The following UBR3 variants were observed in gnomAD, a reference collection of about 807,000 sequenced individuals.
UBR3 encodes E3 ubiquitin-protein ligase UBR3.
Under a neutral mutation model 243.2 loss-of-function variants are expected in UBR3, and 85 were observed. That is an observed-to-expected ratio of 0.35 (90% CI 0.29 to 0.42). The LOEUF is 0.42. Among genes scored for constraint, UBR3 ranks in the 10% least tolerant of loss-of-function variants. UBR3 has a pLI of 1.00. For missense variants in UBR3, 1,686 were observed against 2,300.8 expected (o/e 0.73, Z 5.47); for synonymous variants, 748 against 799.8 (o/e 0.94, Z 1.09).
chr2:170,027,524 G>A (rs915832924), intron 30 of UBR3, among the ~76,000 whole-genome samples: 6 of 151,660 alleles, frequency 4.0e-5, no homozygotes, highest in African/African-American at 1.5e-4. Context: ...TGCAAAACAG[G>A]TTAGTACAAT....
At position 170,055,543 on chromosome 2, in the gene UBR3, G is replaced by A. The variant is rs913192236; in HGVS notation, c.4744G>A (p.Glu1582Lys). ...LAALSVKCSE[E>K]DRSAWKHAGA... ...AGCACTCTCAGTTAAATGCAGCGAA[G>A]AAGATAGGTCAGCCTGGAAACACGC... is the stretch of plus-strand genomic sequence containing the variant. Residue 1582 changes from glutamate (E) to lysine (K), a missense_variant, in exon 33 of 39, where the codon GAA becomes AAA. Coordinates refer to ENST00000272793, the MANE Select transcript of UBR3 (RefSeq NM_172070.4). 1.2e-6 allele frequency: 2 copies of A among 1,613,670 alleles called. No individual in the cohort carries two copies.
At chr2:169,957,269 G>A (rs1355246256) in intron 23 of UBR3, among the ~76,000 whole-genome samples, 4 of 91,018 alleles carry the variant, frequency 4.4e-5, no homozygotes, top group African/African-American at 1.4e-4. Context: ...CTGTATTGGT[G>A]GATTTTTTTT....
intron 23 of UBR3, among the ~76,000 whole-genome samples, chr2:169,954,541 C>A (rs1329285201): frequency 6.6e-6 from 1 of 151,636 alleles, no homozygotes; most frequent in Non-Finnish European, 1.5e-5. Flanking sequence ...CTGCTCCTAG[C>A]CCCCAATAAT....
At chr2:170,022,650 A>G (rs1332621766) in intron 30 of UBR3, among the ~76,000 whole-genome samples, 3 of 152,212 alleles carry the variant, frequency 2.0e-5, no homozygotes, top group Admixed American at 2.0e-4. Flanking sequence ...TAGTTAATGT[A>G]ATGATCAAAT....
At chr2:169,840,641 G>A (rs537301089) in intron 1 of UBR3, among the ~76,000 whole-genome samples, 114 of 152,182 alleles carry the variant, frequency 7.5e-4, no homozygotes, top group Middle Eastern at 3.4e-3. Flanking sequence ...TCCCCCCACC[G>A]CGGACACCAC....
chr2:170,027,650 A>G (rs1255578200), intron 30 of UBR3, among the ~76,000 whole-genome samples: 22 of 151,878 alleles, frequency 1.4e-4, no homozygotes, highest in Non-Finnish European at 3.2e-4. Flanking sequence ...AAAAGAATGC[A>G]GAACTCCTCA....
intron 10 of UBR3, among the ~76,000 whole-genome samples, chr2:169,910,547 T>C (rs2105336612): frequency 6.6e-6 from 1 of 152,252 alleles, no homozygotes; most frequent in East Asian, 1.9e-4. Flanking sequence ...ATGATTCACC[T>C]AATCTATGAA....
intron 35 of UBR3, among the ~76,000 whole-genome samples, chr2:170,068,075 A>G (rs1226955831): frequency 6.6e-6 from 1 of 152,040 alleles, no homozygotes; most frequent in Non-Finnish European, 1.5e-5. Flanking sequence ...CAGCCTAGAA[A>G]ATATTTTTAA....
At chr2:169,881,701 T>A (rs1262813970) in intron 5 of UBR3, among the ~76,000 whole-genome samples, 2 of 136,208 alleles carry the variant, frequency 1.5e-5, no homozygotes, top group Non-Finnish European at 3.1e-5. Context: ...TATACATATA[T>A]AATTATATAT....
At chr2:169,917,333 A>G (rs1243033144) in intron 11 of UBR3, among the ~76,000 whole-genome samples, 1 of 152,218 alleles carries the variant, frequency 6.6e-6, no homozygotes, top group Non-Finnish European at 1.5e-5. Flanking sequence ...CACCCTGTCC[A>G]GGGTCAGTCC....
chr2:169,882,131 A>C (rs1235785333), intron 5 of UBR3, among the ~76,000 whole-genome samples: 1 of 129,750 alleles, frequency 7.7e-6, no homozygotes, highest in Non-Finnish European at 1.5e-5. Context: ...TATTATATAC[A>C]TATATTTATA....
At chr2:169,963,030 C>A (rs1381695482) in intron 24 of UBR3, among the ~76,000 whole-genome samples, 1 of 152,144 alleles carries the variant, frequency 6.6e-6, no homozygotes, top group East Asian at 1.9e-4. Context: ...CGCCCAGATG[C>A]TAACATTCAC....
chr2:169,987,873 G>A (rs2089092952), intron 25 of UBR3, among the ~76,000 whole-genome samples: 1 of 147,382 alleles, frequency 6.8e-6, no homozygotes, highest in Admixed American at 6.7e-5. Context: ...TTTACTTACT[G>A]TGGCCAAATA....
intron 20 of UBR3, among the ~76,000 whole-genome samples, chr2:169,945,791 C>T (rs1349980218): frequency 6.6e-6 from 1 of 152,162 alleles, no homozygotes; most frequent in African/African-American, 2.4e-5. Flanking sequence ...AAATTTTCCT[C>T]AGAGAAGCCT....
rs551415650 is a variant in UBR3 at position 169,837,321 on chromosome 2, A to G, written c.545+9269A>G. ...GAGAAACCCCATCTCTACTAAAAAT[A>G]CAAAATTAGCCGGGTGTGGTGGCGT... On this transcript the variant is annotated intron_variant, in intron 1 of 38. Coordinates refer to ENST00000272793, the MANE Select transcript of UBR3 (RefSeq NM_172070.4). 2.6e-5 allele frequency among the ~76,000 whole-genome samples: 4 copies of G among 152,324 alleles called. 1 individual carries two copies. The East Asian group carries it at 7.7e-4, about 29-fold the overall frequency.
At chr2:169,929,248 C>A (rs887308612) in intron 18 of UBR3, among the ~76,000 whole-genome samples, 1 of 152,152 alleles carries the variant, frequency 6.6e-6, no homozygotes, top group Non-Finnish European at 1.5e-5. Flanking sequence ...AGAATCCTCA[C>A]GACCCAAATT....
chr2:170,043,579 AAG>A (rs2091017742), intron 32 of UBR3, among the ~76,000 whole-genome samples: 2 of 152,340 alleles, frequency 1.3e-5, no homozygotes, highest in South Asian at 4.1e-4. Flanking sequence ...ATCATTAAAG[AAG>A]AGTTTCTTGG....
intron 26 of UBR3, among the ~76,000 whole-genome samples, chr2:169,995,987 T>G (rs1559169274): frequency 6.6e-6 from 1 of 152,182 alleles, no homozygotes; most frequent in Non-Finnish European, 1.5e-5. Context: ...AAGTAAAACA[T>G]TATTTTTAGT....
intron 24 of UBR3, among the ~76,000 whole-genome samples, chr2:169,981,766 GA>G (rs1178231633): frequency 2.0e-5 from 3 of 152,006 alleles, no homozygotes; most frequent in African/African-American, 7.3e-5. Context: ...CTGTGGGGGG[GA>G]GGGTACATGT....
Sources: gnomAD v4.1 joint callset for allele counts (sites outside exome capture counted in the v4.1 genomes callset) on GRCh38, gnomAD v4.1.1 for gene constraint, MANE v1.5 for transcripts, NCBI Gene and HGNC (gene_info 2026-07-23, HGNC 2026-07-21) for gene names.